Variants in RASSF3 observed in about 807,000 individuals in gnomAD.
RASSF3 encodes ras association domain-containing protein 3.
A neutral mutation model predicts 19.9 loss-of-function variants in RASSF3; 19 were observed. The observed-to-expected ratio is 0.96, with a 90% confidence interval of 0.67 to 1.40. The LOEUF (loss-of-function observed/expected upper bound fraction) is 1.40. RASSF3 is among the 40% of genes most tolerant of loss of function. RASSF3 has a pLI of 0.00. For synonymous variants in RASSF3, 110 were observed against 104.2 expected, an observed-to-expected ratio of 1.06 and a Z score of -0.34; for missense variants, 306 against 289.8, an observed-to-expected ratio of 1.06 and a Z score of -0.41.
intron 2 of RASSF3, among the ~76,000 whole-genome samples, chr12:64,566,789 A>G (rs1196376242): frequency 1.3e-5 from 2 of 152,176 alleles, no homozygotes; most frequent in South Asian, 2.1e-4. Context: ...TCACCATTCT[A>G]CACAAATGGA....
At chr12:64,543,799 A>G (rs1353662172), downstream of RASSF3, among the ~76,000 whole-genome samples, 2 of 151,872 alleles carry the variant, frequency 1.3e-5, no homozygotes, top group East Asian at 2.0e-4. Flanking sequence ...ATCTAGCTCA[A>G]GGTTTGTAAA....
chr12:64,609,267 C>T (rs954213267), upstream of RASSF3: 5 of 152,204 alleles, frequency 3.3e-5, no homozygotes, highest in Non-Finnish European at 7.3e-5. Context: ...CGAGTACTGC[C>T]TCCTACAGCC....
intron 2 of RASSF3, among the ~76,000 whole-genome samples, chr12:64,687,126 T>G (rs1565871706): frequency 6.6e-6 from 1 of 152,026 alleles, no homozygotes; most frequent in East Asian, 2.0e-4. Flanking sequence ...CCCGAGTAGC[T>G]GGGATTATAG....
At chr12:64,588,826 C>G (rs758124324) in intron 2 of RASSF3, among the ~76,000 whole-genome samples, 1 of 152,040 alleles carries the variant, frequency 6.6e-6, no homozygotes, top group Non-Finnish European at 1.5e-5. Flanking sequence ...TTTCCATCCA[C>G]TTGAGTGGGA....
At chr12:64,678,422 T>G (rs933743482) in intron 1 of RASSF3, among the ~76,000 whole-genome samples, 6 of 152,158 alleles carry the variant, frequency 3.9e-5, no homozygotes, top group African/African-American at 1.4e-4. Flanking sequence ...TGACACAGGC[T>G]GGACCCCACA....
intron 1 of RASSF3, among the ~76,000 whole-genome samples, chr12:64,670,146 T>C (rs952543481): frequency 5.9e-5 from 9 of 152,096 alleles, no homozygotes; most frequent in Admixed American, 4.6e-4. Flanking sequence ...CATCTCTGTA[T>C]GTGCAGTTGG....
rs1427425374 is a variant in RASSF3 at position 64,696,099 on chromosome 12, CTCCCTCCCTCCCTCCCTCCCTCCT to C, written c.*1198_*1221del. The C allele has an allele frequency of 3.9e-5, 5 of 128,198 alleles. No individual in the cohort carries two copies. Among genetic ancestry groups the C allele is most frequent in the African/African-American group, 6.1e-5 (2 of 32,876 alleles). 7.9% of individuals were successfully genotyped at this position (128,198 alleles called of 1,614,324 possible). On this transcript the variant is annotated 3_prime_UTR_variant, in exon 5 of 5. Coordinates refer to ENST00000542104, the MANE Select transcript of RASSF3 (RefSeq NM_178169.4). ...CCTTGTTCTTTTCCTCCCTCCCTCC[CTCCCTCCCTCCCTCCCTCCCTCCT>C]TCCCTCCCTCTCTCTCCCTCTCCCT...
chr12:64,694,054 G>C (rs1868321138), intron 4 of RASSF3, among the ~76,000 whole-genome samples: 1 of 152,160 alleles, frequency 6.6e-6, no homozygotes, highest in Non-Finnish European at 1.5e-5. Context: ...AAGTGGAGGA[G>C]GGGAGAATGC....
At position 64,619,652 on chromosome 12, in the gene RASSF3, G is replaced by A. The variant is rs988568069; in HGVS notation, c.111+8909G>A. Among the ~76,000 whole-genome samples the A allele has an allele frequency of 1.1e-4, 16 of 152,206 alleles. No homozygotes were observed. The East Asian group carries it at 2.9e-3, about 28-fold the overall frequency. On this transcript the variant is annotated intron_variant, in intron 1 of 4. Coordinates refer to ENST00000542104, the MANE Select transcript of RASSF3 (RefSeq NM_178169.4). The stretch of plus-strand genomic sequence containing the variant: ...GGATTTAGAAGATCTTGGAGTTAAC[G>A]GACTTAGAATATAGTCAGCAAAGAG...
chr12:64,664,036 A>G (rs1292275783), intron 1 of RASSF3, among the ~76,000 whole-genome samples: 1 of 152,178 alleles, frequency 6.6e-6, no homozygotes, highest in East Asian at 1.9e-4. Flanking sequence ...GATTTGGGCA[A>G]TGACTTAATT....
intron 1 of RASSF3, among the ~76,000 whole-genome samples, chr12:64,614,474 A>C (rs1365774168): frequency 2.0e-5 from 3 of 152,050 alleles, no homozygotes; most frequent in African/African-American, 7.2e-5. Flanking sequence ...TGGTGCTCCC[A>C]AAAACTGTAT....
upstream of RASSF3, among the ~76,000 whole-genome samples, chr12:64,605,615 C>T (rs1481493770): frequency 1.3e-5 from 2 of 151,996 alleles, no homozygotes; most frequent in East Asian, 1.9e-4. Context: ...CTAGGCCGGG[C>T]GTGGTGGCTC....
intron 1 of RASSF3, among the ~76,000 whole-genome samples, chr12:64,644,935 A>G (rs1292515461): frequency 6.6e-6 from 1 of 151,890 alleles, no homozygotes; most frequent in Non-Finnish European, 1.5e-5. Flanking sequence ...TTAGCTTAGC[A>G]TGGTGCCGTG....
At chr12:64,612,362 C>T (rs1003352737) in intron 1 of RASSF3, among the ~76,000 whole-genome samples, 3 of 151,978 alleles carry the variant, frequency 2.0e-5, no homozygotes, top group Admixed American at 6.6e-5. Context: ...TTGGATTCTC[C>T]AGGGGTGAGA....
intron 1 of RASSF3, among the ~76,000 whole-genome samples, chr12:64,623,286 T>A (rs1870858452): frequency 6.6e-6 from 1 of 152,238 alleles, no homozygotes; most frequent in Non-Finnish European, 1.5e-5. Context: ...TAGCATTTCT[T>A]AGTGTTTTAC....
At chr12:64,595,816 G>A (rs1344203061) in intron 2 of RASSF3, among the ~76,000 whole-genome samples, 1 of 152,088 alleles carries the variant, frequency 6.6e-6, no homozygotes, top group Non-Finnish European at 1.5e-5. Flanking sequence ...ACCTTTTCCT[G>A]TCCTCCTTTC....
chr12:64,585,464 T>C (rs1032897485), intron 2 of RASSF3, among the ~76,000 whole-genome samples: 1 of 152,194 alleles, frequency 6.6e-6, no homozygotes, highest in African/African-American at 2.4e-5. Context: ...TTTGGGAATA[T>C]AGTACATTGT....
chr12:64,568,420 T>A (rs1013636499), intron 2 of RASSF3, among the ~76,000 whole-genome samples: 1 of 152,212 alleles, frequency 6.6e-6, no homozygotes, highest in Non-Finnish European at 1.5e-5. Context: ...TGTTTGCCTT[T>A]CTTCTATTAC....
chr12:64,686,618 A>AG (rs1873365921), intron 2 of RASSF3, among the ~76,000 whole-genome samples: 1 of 151,394 alleles, frequency 6.6e-6, no homozygotes, highest in African/African-American at 2.4e-5. Flanking sequence ...CTCAAAAAAA[A>AG]GAGTTCAAGG....
Sources: allele counts gnomAD v4.1 joint callset (sites outside exome capture counted in the v4.1 genomes callset), GRCh38; gene constraint gnomAD v4.1.1; transcripts MANE v1.5; gene names NCBI Gene and HGNC (gene_info 2026-07-23, HGNC 2026-07-21).